FRAS1: variants seen among roughly 807,000 people sequenced by gnomAD.
FRAS1 encodes the protein Fraser extracellular matrix complex subunit 1, also known as extracellular matrix organizing protein FRAS1.
In FRAS1, 290 loss-of-function variants were observed where a neutral mutation model predicts 435.2. The observed-to-expected ratio is 0.67, with a 90% CI of 0.61 to 0.73. The LOEUF (loss-of-function observed/expected upper bound fraction) is 0.73, where lower values mean the gene tolerates loss of function less well. FRAS1 is among the 30% of genes least tolerant of loss of function. The pLI, the probability that FRAS1 is intolerant of heterozygous loss-of-function variation, is 0.00. For missense variants in FRAS1, 4,860 were observed against 5,001.5 expected (o/e 0.97, Z 0.85); for synonymous variants, 1,800 against 1,851.0 (o/e 0.97, Z 0.71).
At chr4:78,285,825 G>T (rs1727562749) in intron 13 of FRAS1, among the ~76,000 whole-genome samples, 1 of 152,188 alleles carries the variant, frequency 6.6e-6, no homozygotes, top group Non-Finnish European at 1.5e-5. Flanking sequence ...CAGGTTAGGT[G>T]CCTAGCCTGA....
intron 70 of FRAS1, among the ~76,000 whole-genome samples, chr4:78,529,380 T>C (rs1025611604): frequency 6.6e-6 from 1 of 152,092 alleles, no homozygotes; most frequent in African/African-American, 2.4e-5. Context: ...ATATATCATA[T>C]AGCAGATCTA....
intron 9 of FRAS1, among the ~76,000 whole-genome samples, chr4:78,274,167 T>C (rs975863082): frequency 2.6e-5 from 4 of 152,230 alleles, no homozygotes; most frequent in Admixed American, 1.3e-4. Context: ...GATATCCCCT[T>C]TATCATTTTT....
Position 78,522,806 on chromosome 4 carries a change from C to T in FRAS1, c.10806C>T (p.Asn3602=), listed in dbSNP as rs371381574. 3 of 1,601,384 alleles carry T rather than the reference C, an allele frequency of 1.9e-6. No individual in the cohort carries two copies. The highest frequency in any genetic ancestry group is 2.6e-6 in the Non-Finnish European group (3 of 1,174,954). ...TCTGGAGAGCCACAAGCTCTTATAA[C>T]AGGTAAATACAGTGATGGAGGCCTC... ...HQLWRATSSY[N]RKDYSGEYTI... The change falls in exon 69 of 74, where the codon AAC becomes AAT. Residue 3602 remains asparagine, a splice_region_variant and synonymous_variant. Coordinates refer to ENST00000512123, the MANE Select transcript of FRAS1 (RefSeq NM_025074.7).
chr4:78,155,366 A>G (rs940104679), intron 2 of FRAS1, among the ~76,000 whole-genome samples: 24 of 152,254 alleles, frequency 1.6e-4, no homozygotes, highest in Admixed American at 2.6e-4. Context: ...ACAAACTGAA[A>G]ACTGAAAACC....
At chr4:78,393,292 G>A (rs996161743) in intron 29 of FRAS1, among the ~76,000 whole-genome samples, 2 of 151,924 alleles carry the variant, frequency 1.3e-5, no homozygotes, top group Non-Finnish European at 2.9e-5. Flanking sequence ...TAGGCACTAT[G>A]CTATATAGTA....
At chr4:78,163,588 C>G (rs958322636) in intron 2 of FRAS1, among the ~76,000 whole-genome samples, 2 of 152,124 alleles carry the variant, frequency 1.3e-5, no homozygotes, top group Non-Finnish European at 2.9e-5. Flanking sequence ...TGCCCTACCC[C>G]ACAAAGAAAA....
chr4:78,311,239 AC>A (rs1244059058), intron 15 of FRAS1, among the ~76,000 whole-genome samples: 2 of 150,662 alleles, frequency 1.3e-5, no homozygotes, highest in East Asian at 3.9e-4. Context: ...CACCCATGCA[AC>A]CATTTTTTAA....
At position 78,542,935 on chromosome 4, in the gene FRAS1, G is replaced by A. The variant is rs1042847380; in HGVS notation, c.*1811G>A. The A allele has an allele frequency of 6.6e-5, 10 of 152,172 alleles. No homozygotes were observed. Among genetic ancestry groups the A allele is most frequent in the African/African-American group, 1.9e-4 (8 of 41,434 alleles). 9.4% of individuals were successfully genotyped at this position (152,172 alleles called of 1,614,324 possible). A position where few individuals can be genotyped will look rare whatever the true frequency, so the allele number is the denominator to read the frequency against. On this transcript the variant is annotated 3_prime_UTR_variant, in exon 74 of 74. Coordinates refer to ENST00000512123, the MANE Select transcript of FRAS1 (RefSeq NM_025074.7). ...CGCTTTACAAAGGCATGACTCTGGC[G>A]GTGGTCCTAAGGAAGCATGAGCAGA...
rs1290441976 is a variant in FRAS1, at chr4:78,515,798, G to A, written c.10175-1G>A. The A allele has an allele frequency of 6.2e-7, 1 of 1,613,188 alleles. No homozygotes were observed. Among genetic ancestry groups the A allele is most frequent in the Non-Finnish European group, 8.5e-7 (1 of 1,179,630 alleles). On this transcript the variant is annotated splice_acceptor_variant, in intron 65 of 73. Coordinates refer to ENST00000512123, the MANE Select transcript of FRAS1 (RefSeq NM_025074.7). LOFTEE classifies it high-confidence loss of function. Reference sequence around the variant, plus strand: ...GTTCCTTGTTCTTCCCTCCCTGGCAGAGGCAGGGTTCCTGGATGATGTGGT... The same window carrying A: ...GTTCCTTGTTCTTCCCTCCCTGGCAAAGGCAGGGTTCCTGGATGATGTGGT...
At chr4:78,471,496 C>T (rs759076987) in intron 51 of FRAS1, among the ~76,000 whole-genome samples, 2 of 152,122 alleles carry the variant, frequency 1.3e-5, no homozygotes, top group Non-Finnish European at 2.9e-5. Flanking sequence ...GGTTTCTACC[C>T]CCTACTCCTA....
At chr4:78,089,701 A>AT (rs1333166289) in intron 2 of FRAS1, among the ~76,000 whole-genome samples, 3 of 152,180 alleles carry the variant, frequency 2.0e-5, no homozygotes, top group Admixed American at 6.5e-5. Flanking sequence ...ATAGAAATAA[A>AT]TAAGAGGAAA....
intron 14 of FRAS1, among the ~76,000 whole-genome samples, chr4:78,301,672 G>A (rs1302414777): frequency 6.6e-6 from 1 of 152,076 alleles, no homozygotes; most frequent in Non-Finnish European, 1.5e-5. Flanking sequence ...TCTGTGGTGT[G>A]TGTACAAAAG....
At chr4:78,203,878 T>C (rs1723147711) in intron 2 of FRAS1, among the ~76,000 whole-genome samples, 1 of 152,198 alleles carries the variant, frequency 6.6e-6, no homozygotes, top group African/African-American at 2.4e-5. Flanking sequence ...TCCTCTTGTT[T>C]CCTACTGTAA....
At chr4:78,453,196 CA>C (rs1719080145) in intron 47 of FRAS1, among the ~76,000 whole-genome samples, 1 of 151,978 alleles carries the variant, frequency 6.6e-6, no homozygotes. Context: ...GAATTTTGAG[CA>C]AGGAAGAAAA....
chr4:78,064,226 A>G (rs1034094319), intron 1 of FRAS1, among the ~76,000 whole-genome samples: 2 of 150,838 alleles, frequency 1.3e-5, no homozygotes, highest in East Asian at 3.9e-4. Context: ...AATAAATAAA[A>G]TAAAAAAATA....
intron 2 of FRAS1, among the ~76,000 whole-genome samples, chr4:78,206,619 T>G (rs1723269577): frequency 6.6e-6 from 1 of 152,212 alleles, no homozygotes; most frequent in Non-Finnish European, 1.5e-5. Flanking sequence ...GGAATACACC[T>G]CTTGTGCAAA....
chr4:78,267,851 C>T (rs762532311), intron 9 of FRAS1, among the ~76,000 whole-genome samples: 11 of 152,148 alleles, frequency 7.2e-5, no homozygotes, highest in South Asian at 2.1e-4. Flanking sequence ...TTTAGCAGAA[C>T]GAGAGCCAGC....
chr4:78,485,430 G>A (rs1423905057), intron 58 of FRAS1, among the ~76,000 whole-genome samples: 1 of 152,106 alleles, frequency 6.6e-6, no homozygotes, highest in Non-Finnish European at 1.5e-5. Flanking sequence ...GATATGTTAA[G>A]CAAAAATTTT....
At chr4:78,178,014 TG>T (rs1307701753) in intron 2 of FRAS1, among the ~76,000 whole-genome samples, 1 of 152,210 alleles carries the variant, frequency 6.6e-6, no homozygotes, top group African/African-American at 2.4e-5. Flanking sequence ...GGCCACAGTC[TG>T]AAATCAAGGT....
Sources: gnomAD v4.1 joint callset for allele counts (sites outside exome capture counted in the v4.1 genomes callset) on GRCh38, gnomAD v4.1.1 for gene constraint, MANE v1.5 for transcripts, NCBI Gene and HGNC (gene_info 2026-07-23, HGNC 2026-07-21) for gene names.